Variants in RCC2 observed in about 807,000 individuals in gnomAD.
The protein encoded by RCC2 is protein RCC2.
Under a neutral mutation model 64.1 loss-of-function variants are expected in RCC2, and 19 were observed. The observed-to-expected ratio is 0.30, with a 90% CI of 0.21 to 0.44. The LOEUF (loss-of-function observed/expected upper bound fraction) is 0.44. Among genes scored for constraint, RCC2 ranks in the 20% least tolerant of loss-of-function variants. The probability of loss-of-function intolerance (pLI) is 1.00; values close to 1 mark genes in which losing one functional copy is unlikely to be tolerated. For missense variants in RCC2, 508 were observed against 710.4 expected, an observed-to-expected ratio of 0.72 and a Z score of 3.24; for synonymous variants, 325 against 279.6, an observed-to-expected ratio of 1.16 and a Z score of -1.62.
chr1:17,421,447 A>G (rs2075555033), intron 6 of RCC2, among the ~76,000 whole-genome samples: 1 of 151,422 alleles, frequency 6.6e-6, no homozygotes, highest in Non-Finnish European at 1.5e-5. Flanking sequence ...GTGAGCTGAG[A>G]TCGCGCCACT....
At chr1:17,437,345 T>C (rs533662872) in intron 2 of RCC2, among the ~76,000 whole-genome samples, 3 of 152,312 alleles carry the variant, frequency 2.0e-5, no homozygotes, top group South Asian at 4.1e-4. Flanking sequence ...GGTGAAAACT[T>C]AGACCCTCTT....
chr1:17,429,002 T>C, intron 3 of RCC2, 104 bp downstream of exon 3: 2 of 911,312 alleles, frequency 2.2e-6, no homozygotes, highest in Admixed American at 1.8e-5. Context: ...TTGGCCTCTG[T>C]GAAAATGCAT....
chr1:17,411,860 ATG>A lies in RCC2; in HGVS notation c.1386+260_1386+261del, dbSNP rs2075430516. 2.0e-5 allele frequency among the ~76,000 whole-genome samples: 3 copies of A among 152,340 alleles called. No homozygotes were observed. The South Asian group carries it at 6.2e-4, about 32-fold the overall frequency. The stretch of plus-strand genomic sequence containing the variant: ...CCATAACCCAACTGTGGTTTACAAA[ATG>A]TGAGGGGAAACCGGATCTGAAAAGT... On this transcript the variant is annotated intron_variant, in intron 11 of 12. Transcript: ENST00000375436.
chr1:17,431,851 C>A (rs1279301547), intron 2 of RCC2, among the ~76,000 whole-genome samples: 1 of 152,154 alleles, frequency 6.6e-6, no homozygotes, highest in Non-Finnish European at 1.5e-5. Flanking sequence ...GTCATCCCAG[C>A]ACTTTGGGAG....
intron 7 of RCC2, among the ~76,000 whole-genome samples, chr1:17,419,332 C>T (rs1244562863): frequency 6.6e-6 from 1 of 152,180 alleles, no homozygotes; most frequent in Admixed American, 6.5e-5. Flanking sequence ...GCACTCCATC[C>T]CGGGTGACAG....
At chr1:17,432,688 G>T (rs1212207261) in intron 2 of RCC2, among the ~76,000 whole-genome samples, 1 of 152,268 alleles carries the variant, frequency 6.6e-6, no homozygotes, top group Non-Finnish European at 1.5e-5. Context: ...AGTGGCCTTG[G>T]CCTTGGGGAG....
rs749681186 is a variant in RCC2 at position 17,438,319 on chromosome 1, C to A, written c.196G>T (p.Gly66Cys). ...GLELDGAPGG[G>C]KRAARPATAG... ...GTCGCCGGCCGCGCCGCGCGCTTGC[C>A]CCCGCCGGGGGCCCCGTCGAGCTCC... Residue 66 changes from glycine (G) to cysteine (C), a missense_variant, in exon 2 of 13, where the codon GGC becomes TGC. Coordinates refer to ENST00000375436, the MANE Select transcript of RCC2 (RefSeq NM_018715.4). The A allele has an allele frequency of 8.9e-6, 11 of 1,239,958 alleles. No individual in the cohort carries two copies. The East Asian group carries it at 3.2e-4, about 36-fold the overall frequency. 76.8% of individuals were successfully genotyped at this position (1,239,958 alleles called of 1,614,324 possible). A position where few individuals can be genotyped will look rare whatever the true frequency, so the allele number is the denominator to read the frequency against.
intron 6 of RCC2, 144 bp downstream of exon 6, chr1:17,422,055 CAAAA>C (rs760898337): frequency 2.1e-5 from 11 of 535,616 alleles, no homozygotes; most frequent in Non-Finnish European, 3.6e-5. Context: ...AAAAAACAAA[CAAAA>C]AAACTCTACA....
intron 11 of RCC2, 41 bp downstream of exon 11, chr1:17,412,081 C>G: frequency 1.3e-6 from 2 of 1,594,504 alleles, no homozygotes; most frequent in Non-Finnish European, 1.7e-6. Flanking sequence ...GCCACCCTGA[C>G]TGGCTTCCAC....
chr1:17,431,570 C>T (rs2075682019), intron 2 of RCC2, among the ~76,000 whole-genome samples: 1 of 147,650 alleles, frequency 6.8e-6, no homozygotes, highest in African/African-American at 2.5e-5. Context: ...ATCATTCTAA[C>T]CTCTACAGTG....
At chr1:17,422,096 T>C in intron 6 of RCC2, 107 bp downstream of exon 6, 1 of 750,746 alleles carries the variant, frequency 1.3e-6, no homozygotes, top group East Asian at 2.7e-5. Flanking sequence ...CCAGACCCTG[T>C]TTTTACAAGG....
chr1:17,407,294 C>T lies in RCC2; in HGVS notation c.*1796G>A, dbSNP rs1357856586. On this transcript the variant is annotated 3_prime_UTR_variant, in exon 13 of 13. Transcript: ENST00000375436. ...CGGTGACCACGGCTCAAAGGAGAGA[C>T]CTCAAGGGTGCCAGGAGCACAGGTG... 3 of 152,124 alleles carry T rather than the reference C, an allele frequency of 2.0e-5. No homozygotes were observed. Among genetic ancestry groups the T allele is most frequent in the Non-Finnish European group, 1.5e-5 (1 of 68,040 alleles). The allele number at this position is 152,124 out of a possible 1,614,324, so 9.4% of individuals were successfully genotyped here. A position where few individuals can be genotyped will look rare whatever the true frequency, so the allele number is the denominator to read the frequency against.
chr1:17,422,600 A>T, intron 5 of RCC2, 105 bp downstream of exon 5: 1 of 1,445,576 alleles, frequency 6.9e-7, no homozygotes, highest in Non-Finnish European at 9.4e-7. Flanking sequence ...TCTGATCCTG[A>T]CCAAGAGTCA....
At chr1:17,425,042 G>C (rs1029875038) in intron 4 of RCC2, among the ~76,000 whole-genome samples, 2 of 152,194 alleles carry the variant, frequency 1.3e-5, no homozygotes, top group Non-Finnish European at 2.9e-5. Flanking sequence ...GAGCTGCCAA[G>C]CCTGCAGACC....
At chr1:17,410,716 CAT>C (rs1014818890) in intron 11 of RCC2, among the ~76,000 whole-genome samples, 1 of 152,192 alleles carries the variant, frequency 6.6e-6, no homozygotes, top group Middle Eastern at 3.2e-3. Flanking sequence ...GGCCTGCCCA[CAT>C]GTCCCTGGTT....
intron 7 of RCC2, among the ~76,000 whole-genome samples, chr1:17,417,306 G>A (rs1365578972): frequency 2.0e-5 from 3 of 152,204 alleles, no homozygotes; most frequent in East Asian, 3.9e-4. Context: ...CCAAGCTCCT[G>A]CAGCCACCTG....
intron 8 of RCC2, among the ~76,000 whole-genome samples, chr1:17,414,548 G>A (rs2019622): frequency 0.73 from 103,621 of 142,208 alleles, 38,542 homozygotes; most frequent in African/African-American, 0.93. Context: ...AAAACAAAAC[G>A]AAACAAAAAA....
chr1:17,438,672 G>T, intron 1 of RCC2, 150 bp from the exon 2 acceptor site: 1 of 758,994 alleles, frequency 1.3e-6, no homozygotes, highest in Non-Finnish European at 1.8e-6. Context: ...GGGCGAGTTG[G>T]GAGAGGAAAT....
rs1470593356 is a variant in RCC2, at chr1:17,407,244, T to G, written c.*1846A>C. 6.6e-6 allele frequency: 1 copy of G among 151,204 alleles called. No individual in the cohort carries two copies. The highest frequency in any genetic ancestry group is 2.4e-5 in the African/African-American group (1 of 41,056). 9.4% of individuals were successfully genotyped at this position (151,204 alleles called of 1,614,324 possible). A position where few individuals can be genotyped will look rare whatever the true frequency, so the allele number is the denominator to read the frequency against. ...GGAGGCTCCTGCAAAGGCTGGGACC[T>G]CGGGTGCTGCGTCCTCAACCCTCTC... On this transcript the variant is annotated 3_prime_UTR_variant, in exon 13 of 13. Coordinates refer to ENST00000375436, the MANE Select transcript of RCC2 (RefSeq NM_018715.4).
Sources: gnomAD v4.1 joint callset for allele counts (sites outside exome capture counted in the v4.1 genomes callset) on GRCh38, gnomAD v4.1.1 for gene constraint, MANE v1.5 for transcripts, NCBI Gene and HGNC (gene_info 2026-07-23, HGNC 2026-07-21) for gene names.